Variants in ZBBX observed in about 807,000 individuals in gnomAD.
The protein encoded by ZBBX is zinc finger B-box domain containing.
ZBBX carries 101 observed loss-of-function variants against 108.5 expected under a neutral mutation model. That is an observed-to-expected ratio of 0.93 (90% CI 0.79 to 1.10). The LOEUF (loss-of-function observed/expected upper bound fraction) is 1.10. Ranked by LOEUF, ZBBX falls within the 50% of genes least tolerant of loss-of-function variation. The pLI, the probability that ZBBX is intolerant of heterozygous loss-of-function variation, is 0.00. For synonymous variants in ZBBX, 356 were observed against 323.4 expected (o/e 1.10, Z -1.08); for missense variants, 1,009 against 941.4 (o/e 1.07, Z -0.94).
intron 12 of ZBBX, among the ~76,000 whole-genome samples, chr3:167,320,136 C>G (rs1736182432): frequency 6.6e-6 from 1 of 150,788 alleles, no homozygotes; most frequent in Non-Finnish European, 1.5e-5. Context: ...GAGCACCATT[C>G]TCCAATAAAG....
At chr3:167,248,141 C>A (rs1250298134) in intron 20 of ZBBX, among the ~76,000 whole-genome samples, 4 of 152,162 alleles carry the variant, frequency 2.6e-5, no homozygotes, top group Non-Finnish European at 5.9e-5. Flanking sequence ...CAGCTCAGGG[C>A]ACCTCTTCTT....
chr3:167,401,929 T>A (rs1330056079), intron 1 of ZBBX, among the ~76,000 whole-genome samples: 19 of 152,114 alleles, frequency 1.2e-4, no homozygotes, highest in Non-Finnish European at 7.4e-5. Context: ...CAATGAACCA[T>A]GAAAGGCTTG....
chr3:167,368,811 G>A (rs775878266), intron 4 of ZBBX: 3 of 954,714 alleles, frequency 3.1e-6, no homozygotes, highest in Admixed American at 9.4e-5. Context: ...ATTGCTAGGG[G>A]TTCAAAATTA....
intron 9 of ZBBX, among the ~76,000 whole-genome samples, chr3:167,339,131 T>G (rs1740097771): frequency 6.6e-6 from 1 of 151,888 alleles, no homozygotes; most frequent in African/African-American, 2.4e-5. Flanking sequence ...ATTCTTAAGG[T>G]TTTTTTCCCA....
intron 9 of ZBBX, among the ~76,000 whole-genome samples, chr3:167,336,234 CATATT>C (rs1467477629): frequency 6.6e-6 from 1 of 151,734 alleles, no homozygotes; most frequent in African/African-American, 2.4e-5. Context: ...TTTTAGGTAG[CATATT>C]AAGAGAATCA....
intron 20 of ZBBX, among the ~76,000 whole-genome samples, chr3:167,246,011 T>C: frequency 6.6e-6 from 1 of 152,142 alleles, no homozygotes; most frequent in East Asian, 1.9e-4. Context: ...GCCTCTGCTA[T>C]ACATTTGGGG....
At chr3:167,402,567 G>A (rs144395989) in intron 1 of ZBBX, among the ~76,000 whole-genome samples, 4 of 151,986 alleles carry the variant, frequency 2.6e-5, no homozygotes, top group African/African-American at 7.2e-5. Flanking sequence ...CGAGACCTAC[G>A]TAGAGGCAGA....
At chr3:167,251,488 T>G (rs1427288783) in intron 20 of ZBBX, among the ~76,000 whole-genome samples, 4 of 152,096 alleles carry the variant, frequency 2.6e-5, no homozygotes, top group African/African-American at 9.7e-5. Context: ...CCCTAGAGGT[T>G]TGAGCAGTGG....
At chr3:167,237,989 A>G (rs888302418), downstream of ZBBX, among the ~76,000 whole-genome samples, 2 of 151,980 alleles carry the variant, frequency 1.3e-5, no homozygotes, top group Non-Finnish European at 2.9e-5. Context: ...TATTCCTTTT[A>G]TCTGAGAGAA....
chr3:167,364,870 T>C (rs1745092412), intron 6 of ZBBX, among the ~76,000 whole-genome samples: 1 of 151,978 alleles, frequency 6.6e-6, no homozygotes. Flanking sequence ...CCCGTACTTT[T>C]CTAAGTCCTT....
chr3:167,211,173 C>A, the ZBBX span, among the ~76,000 whole-genome samples: 1 of 152,288 alleles, frequency 6.6e-6, no homozygotes, highest in Middle Eastern at 3.4e-3. Context: ...TCTTTCCCAG[C>A]CCAGGAAAGT....
chr3:167,389,431 A>G lies in ZBBX; in HGVS notation c.-445-9026T>C, dbSNP rs567086451. Among the ~76,000 whole-genome samples the G allele has an allele frequency of 1.1e-4, 16 of 152,276 alleles. No individual in the cohort carries two copies. In the South Asian group the frequency reaches 2.9e-3, roughly 28 times the overall value. ...CTTTGCTATTGTAAATAGTGCTGCA[A>G]TAAGCATATGTGTACATGTGTCTTT... On this transcript the variant is annotated intron_variant, in intron 1 of 21. Coordinates refer to the ZBBX transcript ENST00000455345.
chr3:167,204,274 G>A, the ZBBX span, among the ~76,000 whole-genome samples: 3 of 122,038 alleles, frequency 2.5e-5, no homozygotes, highest in Admixed American at 1.1e-4. Context: ...AAGTTTTAGG[G>A]TACATGTGCA....
At chr3:167,339,833 C>T (rs921355911) in intron 9 of ZBBX, among the ~76,000 whole-genome samples, 3 of 151,964 alleles carry the variant, frequency 2.0e-5, no homozygotes, top group African/African-American at 7.2e-5. Context: ...TCTCACGCGT[C>T]GAAAGGCTCC....
the ZBBX span, among the ~76,000 whole-genome samples, chr3:167,201,239 A>G: frequency 1.2e-4 from 18 of 152,234 alleles, no homozygotes; most frequent in East Asian, 3.3e-3. Flanking sequence ...GTCCAAGGTT[A>G]ATGTGTTAGA....
chr3:167,255,520 T>A (rs748891052), intron 20 of ZBBX, among the ~76,000 whole-genome samples: 1 of 152,062 alleles, frequency 6.6e-6, no homozygotes, highest in Non-Finnish European at 1.5e-5. Flanking sequence ...ATGATCTAGA[T>A]TAGCATGTGG....
chr3:167,230,034 A>G, the ZBBX span, among the ~76,000 whole-genome samples: 37 of 151,834 alleles, frequency 2.4e-4, no homozygotes, highest in African/African-American at 8.0e-4. Context: ...CTGGAATTTG[A>G]ATGCCTATAT....
chr3:167,333,711 A>T, intron 10 of ZBBX, 116 bp downstream of exon 10: 2 of 938,908 alleles, frequency 2.1e-6, no homozygotes, highest in Admixed American at 3.0e-5. Flanking sequence ...AATCCATATG[A>T]AATAAAAATG....
the ZBBX span, among the ~76,000 whole-genome samples, chr3:167,195,968 A>G: frequency 2.0e-5 from 3 of 152,186 alleles, no homozygotes; most frequent in African/African-American, 7.2e-5. Context: ...ACACACAGCA[A>G]TATTTGGGGT....
Sources: allele counts gnomAD v4.1 joint callset (sites outside exome capture counted in the v4.1 genomes callset), GRCh38; gene constraint gnomAD v4.1.1; transcripts MANE v1.5; gene names NCBI Gene and HGNC (gene_info 2026-07-23, HGNC 2026-07-21).